USP30: variants seen among roughly 807,000 people sequenced by gnomAD.
USP30 encodes the protein ubiquitin carboxyl-terminal hydrolase 30.
In USP30, 41 loss-of-function variants were observed where a neutral mutation model predicts 68.2. The observed-to-expected ratio is 0.60, with a 90% CI of 0.47 to 0.78. USP30 has a LOEUF of 0.78. Among genes scored for constraint, USP30 ranks in the 30% least tolerant of loss-of-function variants. The probability of loss-of-function intolerance (pLI) is 0.00; values close to 1 mark genes in which losing one functional copy is unlikely to be tolerated. For missense variants in USP30, 522 were observed against 649.4 expected (o/e 0.80, Z 2.13); for synonymous variants, 229 against 253.7 (o/e 0.90, Z 0.93).
intron 7 of USP30, among the ~76,000 whole-genome samples, chr12:109,081,011 A>G (rs1198471994): frequency 1.3e-5 from 2 of 152,192 alleles, no homozygotes; most frequent in South Asian, 2.1e-4. Context: ...ACTGTATTCA[A>G]ATTTTTGCTA....
Position 109,087,931 on chromosome 12 carries a change from G to C in USP30, c.*2000G>C. 4.4e-6 allele frequency: 1 copy of C among 226,134 alleles called. No individual in the cohort carries two copies. Among genetic ancestry groups the C allele is most frequent in the Admixed American group, 5.6e-5 (1 of 17,940 alleles). The allele number at this position is 226,134 out of a possible 1,614,324, so 14.0% of individuals were successfully genotyped here. ...AAACCTAAGTTAAACTAGTAGTTTT[G>C]CCATAATAACTGCTGATTTATGTAT... On this transcript the variant is annotated 3_prime_UTR_variant, in exon 13 of 13. Transcript: ENST00000257548.
chr12:109,025,050 G>A (rs2040434645), exon 2 of USP30: 1 of 152,224 alleles, frequency 6.6e-6, no homozygotes, highest in Admixed American at 6.5e-5. Flanking sequence ...TAGAGGCCCA[G>A]ACAGAACAGA....
At chr12:109,065,982 G>A (rs1001205547) in intron 3 of USP30, among the ~76,000 whole-genome samples, 4 of 152,160 alleles carry the variant, frequency 2.6e-5, no homozygotes, top group African/African-American at 9.6e-5. Context: ...CCAGGCACAG[G>A]GGCTCACACC....
intron 3 of USP30, among the ~76,000 whole-genome samples, chr12:109,046,845 C>G (rs530842705): frequency 6.6e-6 from 1 of 152,102 alleles, no homozygotes; most frequent in African/African-American, 2.4e-5. Flanking sequence ...TACAGGTGTG[C>G]GCCATCATGC....
intron 1 of USP30, among the ~76,000 whole-genome samples, chr12:109,055,398 ATATTTTTTTT>A (rs1316564420): frequency 3.3e-5 from 1 of 30,348 alleles, no homozygotes; most frequent in South Asian, 1.2e-3. Context: ...ATATATATAT[ATATTTTTTTT>A]TTTTTTTTTT....
chr12:109,050,859 T>C (rs1385381544), upstream of USP30, among the ~76,000 whole-genome samples: 94 of 151,628 alleles, frequency 6.2e-4, no homozygotes, highest in Non-Finnish European at 3.4e-4. Context: ...ACAAAAAAAT[T>C]AGCCGGGCGT....
intron 12 of USP30, 98 bp downstream of exon 12, chr12:109,085,171 T>A: frequency 2.4e-6 from 3 of 1,230,796 alleles, no homozygotes; most frequent in Non-Finnish European, 3.2e-6. Flanking sequence ...ATATAGATGT[T>A]TATTTTTCAT....
At chr12:109,046,192 C>A (rs557104741) in intron 3 of USP30, among the ~76,000 whole-genome samples, 7 of 151,144 alleles carry the variant, frequency 4.6e-5, no homozygotes, top group Non-Finnish European at 1.5e-5. Flanking sequence ...CCTCCGCCCC[C>A]CCGGGTTTAA....
intron 4 of USP30, among the ~76,000 whole-genome samples, chr12:109,069,233 C>A (rs2041353250): frequency 6.6e-6 from 1 of 152,208 alleles, no homozygotes; most frequent in Non-Finnish European, 1.5e-5. Flanking sequence ...ACATGGCTGA[C>A]CCACGGTTTA....
chr12:109,071,772 G>A (rs1400440472), intron 5 of USP30, 62 bp downstream of exon 5: 3 of 1,430,178 alleles, frequency 2.1e-6, no homozygotes, highest in African/African-American at 1.4e-5. Flanking sequence ...AAGTATAGGG[G>A]AGGCAAGTGT....
At chr12:109,035,380 T>TTATC (rs2040511462) in intron 3 of USP30, among the ~76,000 whole-genome samples, 1 of 152,116 alleles carries the variant, frequency 6.6e-6, no homozygotes, top group Non-Finnish European at 1.5e-5. Context: ...ATTTATTTAT[T>TTATC]TTGAGATGGA....
intron 7 of USP30, among the ~76,000 whole-genome samples, chr12:109,076,092 AAAGATATGT>A (rs1250199298): frequency 6.6e-6 from 1 of 152,164 alleles, no homozygotes; most frequent in Non-Finnish European, 1.5e-5. Context: ...TCATATATTA[AAAGATATGT>A]AAGATATGTT....
At chr12:109,079,624 C>T (rs904070875) in intron 7 of USP30, among the ~76,000 whole-genome samples, 3 of 151,830 alleles carry the variant, frequency 2.0e-5, no homozygotes, top group Non-Finnish European at 4.4e-5. Context: ...CTTCAGCCTC[C>T]CAAAGTGTTG....
chr12:109,039,614 A>G (rs2040548388), intron 3 of USP30, among the ~76,000 whole-genome samples: 3 of 149,898 alleles, frequency 2.0e-5, no homozygotes, highest in African/African-American at 7.6e-5. Flanking sequence ...AGTGATAAGA[A>G]TCCATTTTTT....
intron 9 of USP30, 178 bp from the exon 10 acceptor site, chr12:109,082,485 T>C: frequency 1.6e-6 from 1 of 612,748 alleles, no homozygotes; most frequent in Non-Finnish European, 2.9e-6. Context: ...GTTTCTGTTA[T>C]TTAATGACTA....
At chr12:109,063,977 G>A (rs888781204) in intron 3 of USP30, among the ~76,000 whole-genome samples, 6 of 150,342 alleles carry the variant, frequency 4.0e-5, no homozygotes, top group Non-Finnish European at 7.4e-5. Context: ...AGTTCTAAGC[G>A]ATTCTCCTGC....
At chr12:109,060,554 A>G (rs181616096) in intron 3 of USP30, among the ~76,000 whole-genome samples, 11 of 152,284 alleles carry the variant, frequency 7.2e-5, no homozygotes, top group Middle Eastern at 3.4e-3. Flanking sequence ...AAAAATGTGC[A>G]ACTCGCTGCC....
intron 12 of USP30, 69 bp downstream of exon 12, chr12:109,085,142 C>A: frequency 7.5e-7 from 1 of 1,339,094 alleles, no homozygotes; most frequent in Non-Finnish European, 9.7e-7. Context: ...TAGCTTTTCA[C>A]AGAAATGAAT....
At chr12:109,035,462 C>G (rs1271164904) in intron 3 of USP30, among the ~76,000 whole-genome samples, 2 of 152,154 alleles carry the variant, frequency 1.3e-5, no homozygotes, top group Non-Finnish European at 2.9e-5. Context: ...CTCCCGGGTT[C>G]AAGCGATTCT....
Sources: allele counts gnomAD v4.1 joint callset (sites outside exome capture counted in the v4.1 genomes callset), GRCh38; gene constraint gnomAD v4.1.1; transcripts MANE v1.5; gene names NCBI Gene and HGNC (gene_info 2026-07-23, HGNC 2026-07-21).